HSD17B11: variants seen among roughly 807,000 people sequenced by gnomAD.
The protein encoded by HSD17B11 is estradiol 17-beta-dehydrogenase 11.
A neutral mutation model predicts 27.8 loss-of-function variants in HSD17B11; 22 were observed. The ratio of observed to expected loss-of-function variants is 0.79; its 90% confidence interval spans 0.56 to 1.13. The LOEUF (loss-of-function observed/expected upper bound fraction) is 1.13. HSD17B11 is among the 50% of genes most tolerant of loss of function. The pLI is 0.00. For synonymous variants in HSD17B11, 117 were observed against 132.8 expected, an observed-to-expected ratio of 0.88 and a Z score of 0.82; for missense variants, 314 against 351.1, an observed-to-expected ratio of 0.89 and a Z score of 0.84.
intron 2 of HSD17B11, 67 bp from the exon 3 acceptor site, chr4:87,374,897 C>A: frequency 8.3e-7 from 1 of 1,197,892 alleles, no homozygotes; most frequent in East Asian, 2.5e-5. Flanking sequence ...TACACAATGG[C>A]TATTTTTTTT....
intron 1 of HSD17B11, among the ~76,000 whole-genome samples, chr4:87,388,805 A>G (rs531647189): frequency 6.6e-6 from 1 of 152,304 alleles, no homozygotes; most frequent in South Asian, 2.1e-4. Context: ...TTGTTGGATA[A>G]ATGCATGTCA....
rs1275645019 is a variant in HSD17B11 at position 87,357,303 on chromosome 4, C to T, written c.671G>A (p.Gly224Asp). 6.2e-7 allele frequency: 1 copy of T among 1,612,014 alleles called. No homozygotes were observed. Among genetic ancestry groups the T allele is most frequent in the South Asian group, 1.1e-5 (1 of 90,426 alleles). ...CCTTGTACTTGGATTTTTGATGAAG[C>T]CAGTGTTTACGAAATTAGGACACAG... ...TCLCPNFVNT[G>D]FIKNPSTSLG... is the part of the protein sequence containing the mutation. The change falls in exon 5 of 7, where the codon GGC (glycine) becomes GAC (aspartate). Residue 224 changes from glycine to aspartate, a missense_variant. Coordinates refer to ENST00000358290, the MANE Select transcript of HSD17B11 (RefSeq NM_016245.5).
intron 4 of HSD17B11, among the ~76,000 whole-genome samples, chr4:87,359,693 C>T (rs1735469947): frequency 6.6e-6 from 1 of 152,122 alleles, no homozygotes; most frequent in Non-Finnish European, 1.5e-5. Context: ...GTTTAATCTT[C>T]ATAATACCCC....
At chr4:87,359,412 G>A (rs1401075251) in intron 4 of HSD17B11, among the ~76,000 whole-genome samples, 1 of 152,194 alleles carries the variant, frequency 6.6e-6, no homozygotes, top group Non-Finnish European at 1.5e-5. Context: ...TTAGGCTGGA[G>A]TGCAGTGATG....
intron 5 of HSD17B11, among the ~76,000 whole-genome samples, chr4:87,354,886 G>A (rs2110116193): frequency 6.7e-6 from 1 of 150,000 alleles, no homozygotes; most frequent in African/African-American, 2.5e-5. Context: ...GTGAGGTGGA[G>A]GTGGGAGAAT....
intron 4 of HSD17B11, among the ~76,000 whole-genome samples, chr4:87,361,530 G>A (rs1735514089): frequency 6.6e-6 from 1 of 152,154 alleles, no homozygotes; most frequent in Admixed American, 6.5e-5. Context: ...CACTCTGGGA[G>A]GCCAAGGCGG....
intron 2 of HSD17B11, among the ~76,000 whole-genome samples, chr4:87,377,499 C>CT (rs899119510): frequency 2.6e-5 from 4 of 151,674 alleles, no homozygotes; most frequent in African/African-American, 7.3e-5. Flanking sequence ...GGTAATGTAA[C>CT]TTTTTTTCAA....
At chr4:87,376,818 G>A (rs915006542) in intron 2 of HSD17B11, among the ~76,000 whole-genome samples, 2 of 152,136 alleles carry the variant, frequency 1.3e-5, no homozygotes, top group Non-Finnish European at 2.9e-5. Context: ...GCAATAGAAG[G>A]CATCCACTGG....
intron 5 of HSD17B11, among the ~76,000 whole-genome samples, chr4:87,343,028 T>C (rs189862695): frequency 2.0e-5 from 3 of 152,304 alleles, no homozygotes; most frequent in Non-Finnish European, 4.4e-5. Context: ...TCAAGCTCAA[T>C]GAAAGCTTAT....
chr4:87,368,534 G>A (rs1735649911), intron 4 of HSD17B11, among the ~76,000 whole-genome samples: 1 of 152,120 alleles, frequency 6.6e-6, no homozygotes, highest in African/African-American at 2.4e-5. Context: ...AAAAGGGAAG[G>A]GGGAAATGTC....
chr4:87,375,849 AT>A (rs1183323996), intron 2 of HSD17B11, among the ~76,000 whole-genome samples: 15 of 152,158 alleles, frequency 9.9e-5, no homozygotes, highest in African/African-American at 3.4e-4. Flanking sequence ...ATTTCTGTTT[AT>A]TTTCTGTTCT....
intron 2 of HSD17B11, among the ~76,000 whole-genome samples, chr4:87,378,503 T>A (rs960264789): frequency 1.3e-5 from 2 of 151,956 alleles, no homozygotes; most frequent in African/African-American, 4.8e-5. Context: ...ATACTTTTAG[T>A]TATTTTAAAA....
intron 1 of HSD17B11, among the ~76,000 whole-genome samples, chr4:87,390,510 A>G (rs147128529): frequency 0.011 from 1,644 of 152,326 alleles, 34 homozygotes; most frequent in African/African-American, 0.038. Context: ...CTTAATAGGT[A>G]CAAGCTTCTT....
rs770225679 is a variant in HSD17B11 at position 87,390,886 on chromosome 4, T to G, written c.185A>C (p.Lys62Thr). 3 of 1,614,038 alleles carry G rather than the reference T, an allele frequency of 1.9e-6. No homozygotes were observed. Among genetic ancestry groups the G allele is most frequent in the Non-Finnish European group, 2.5e-6 (3 of 1,180,006 alleles). Residue 62 changes from lysine (K) to threonine (T), a missense_variant, in exon 1 of 7, where the codon AAG (lysine) becomes ACG (threonine). Lys to Thr is a moderately conservative substitution (Grantham distance 78). Coordinates refer to ENST00000358290, the MANE Select transcript of HSD17B11 (RefSeq NM_016245.5). ...TAYEFAKLKSKLVLWDINKHG... is the reference protein window; with the variant it reads ...TAYEFAKLKSTLVLWDINKHG... ...CTTATTTATATCCCAGAGAACCAGCTTGCTTTTAAGTTTAGCAAATTCATA... is the reference window on the plus strand; with the variant it reads ...CTTATTTATATCCCAGAGAACCAGCGTGCTTTTAAGTTTAGCAAATTCATA...
intron 1 of HSD17B11, among the ~76,000 whole-genome samples, chr4:87,383,450 G>T (rs1720224539): frequency 6.6e-6 from 1 of 152,144 alleles, no homozygotes; most frequent in Non-Finnish European, 1.5e-5. Flanking sequence ...TAGAAAAAAT[G>T]TAGAGGAAAG....
chr4:87,346,404 T>C (rs1204887303), intron 5 of HSD17B11, among the ~76,000 whole-genome samples: 1 of 152,178 alleles, frequency 6.6e-6, no homozygotes, highest in East Asian at 1.9e-4. Flanking sequence ...ATCCCAACAC[T>C]TTGGGAGGCC....
At chr4:87,383,366 G>T (rs7682892) in intron 1 of HSD17B11, among the ~76,000 whole-genome samples, 2 of 151,962 alleles carry the variant, frequency 1.3e-5, no homozygotes, top group Admixed American at 1.3e-4. Flanking sequence ...GTCAACACTG[G>T]AGGAAGAAAA....
chr4:87,370,428 A>AT (rs1560765741), intron 4 of HSD17B11, among the ~76,000 whole-genome samples: 1 of 151,646 alleles, frequency 6.6e-6, no homozygotes, highest in Admixed American at 6.6e-5. Flanking sequence ...TATTATTATT[A>AT]TTTTTTGAGA....
chr4:87,358,253 G>T (rs187359733), intron 4 of HSD17B11, among the ~76,000 whole-genome samples: 1 of 151,974 alleles, frequency 6.6e-6, no homozygotes, highest in Non-Finnish European at 1.5e-5. Flanking sequence ...GAGCCACCAC[G>T]CCCAGCTGAG....
Sources: gnomAD v4.1 joint callset for allele counts (sites outside exome capture counted in the v4.1 genomes callset) on GRCh38, gnomAD v4.1.1 for gene constraint, MANE v1.5 for transcripts, NCBI Gene and HGNC (gene_info 2026-07-23, HGNC 2026-07-21) for gene names.